Variants in PLEKHG5 observed in about 807,000 individuals in gnomAD.
PLEKHG5 encodes pleckstrin homology domain-containing family G member 5.
A neutral mutation model predicts 103.8 loss-of-function variants in PLEKHG5; 52 were observed. The ratio of observed to expected loss-of-function variants is 0.50; its 90% CI spans 0.40 to 0.63. PLEKHG5 has a LOEUF of 0.63. PLEKHG5 is among the 30% of genes least tolerant of loss of function. The pLI is 0.00. For synonymous variants in PLEKHG5, 592 were observed against 575.5 expected (o/e 1.03, Z -0.41); for missense variants, 1,205 against 1,347.6 (o/e 0.89, Z 1.66).
At chr1:6,507,579 G>A (rs1319380099) in intron 1 of PLEKHG5, among the ~76,000 whole-genome samples, 1 of 152,118 alleles carries the variant, frequency 6.6e-6, no homozygotes, top group Admixed American at 6.5e-5. Context: ...GAGACCCAAG[G>A]CCCAGGCAGA....
At chr1:6,481,059 C>A (rs1004968783) in intron 1 of PLEKHG5, among the ~76,000 whole-genome samples, 25 of 152,106 alleles carry the variant, frequency 1.6e-4, no homozygotes, top group African/African-American at 5.6e-4. Flanking sequence ...AGCTCATAAG[C>A]GTGCCACTGC....
chr1:6,517,916 C>T (rs1019222927), intron 1 of PLEKHG5, among the ~76,000 whole-genome samples: 4 of 152,104 alleles, frequency 2.6e-5, no homozygotes, highest in African/African-American at 7.2e-5. Context: ...TCCCAAAATG[C>T]GTCATGGCGG....
chr1:6,482,728 C>T (rs566449736), intron 1 of PLEKHG5, among the ~76,000 whole-genome samples: 20 of 152,102 alleles, frequency 1.3e-4, no homozygotes, highest in Non-Finnish European at 7.4e-5. Flanking sequence ...ATGTTTTTTG[C>T]GATAGAGTCT....
chr1:6,513,978 A>T (rs1638546674), intron 1 of PLEKHG5, among the ~76,000 whole-genome samples: 1 of 152,218 alleles, frequency 6.6e-6, no homozygotes, highest in South Asian at 2.1e-4. Context: ...AGAGCCTCCC[A>T]TATGGGCCTG....
intron 1 of PLEKHG5, among the ~76,000 whole-genome samples, chr1:6,514,179 C>G (rs1344417002): frequency 6.6e-6 from 1 of 152,122 alleles, no homozygotes; most frequent in Non-Finnish European, 1.5e-5. Flanking sequence ...TAAAAATTAG[C>G]CAGGCATGGT....
chr1:6,488,103 G>A (rs1645074390), intron 1 of PLEKHG5, among the ~76,000 whole-genome samples: 1 of 152,152 alleles, frequency 6.6e-6, no homozygotes, highest in Admixed American at 6.5e-5. Flanking sequence ...CTTCAAATCG[G>A]GTGGTCTTGC....
chr1:6,502,430 C>T (rs1285210900), intron 1 of PLEKHG5, among the ~76,000 whole-genome samples: 1 of 152,242 alleles, frequency 6.6e-6, no homozygotes, highest in African/African-American at 2.4e-5. Flanking sequence ...GAGCTGAACA[C>T]AGCCCTACCC....
chr1:6,477,556 GC>G lies in PLEKHG5; in HGVS notation c.15del (p.His6MetfsTer52). ...TGTGGGGGAAGGTCGAAGCGGACATGCCCATCATAATGCATGGTGCTGTGGA... is the reference window on the plus strand; with the variant it reads ...TGTGGGGGAAGGTCGAAGCGGACATGCCATCATAATGCATGGTGCTGTGGA... MHYD[G>X]HVRFDLPPQG... On this transcript the variant is annotated frameshift_variant, in exon 2 of 21. Coordinates refer to ENST00000377728, the MANE Select transcript of PLEKHG5 (RefSeq NM_020631.6). LOFTEE classifies it high-confidence loss of function. The G allele has an allele frequency of 1.2e-6, 2 of 1,612,496 alleles. No individual in the cohort carries two copies. The highest frequency in any genetic ancestry group is 8.5e-7 in the Non-Finnish European group (1 of 1,179,940).
intron 1 of PLEKHG5, among the ~76,000 whole-genome samples, chr1:6,512,039 C>T (rs1243018038): frequency 1.3e-5 from 2 of 152,316 alleles, no homozygotes; most frequent in Middle Eastern, 3.4e-3. Flanking sequence ...TATACCAGGA[C>T]TCTGGACCAA....
chr1:6,479,488 G>C (rs1049580890), intron 1 of PLEKHG5, among the ~76,000 whole-genome samples: 1 of 151,872 alleles, frequency 6.6e-6, no homozygotes, highest in African/African-American at 2.4e-5. Context: ...GGGTTTCACC[G>C]TGTTAGCCAG....
intron 1 of PLEKHG5, among the ~76,000 whole-genome samples, chr1:6,509,759 T>G (rs998115105): frequency 2.0e-5 from 3 of 152,232 alleles, no homozygotes; most frequent in African/African-American, 7.2e-5. Context: ...GCCGTGACAC[T>G]TCCCGATTCC....
At chr1:6,514,522 G>A (rs963318427) in intron 1 of PLEKHG5, among the ~76,000 whole-genome samples, 4 of 151,508 alleles carry the variant, frequency 2.6e-5, no homozygotes, top group African/African-American at 9.7e-5. Context: ...CAGCACTTTC[G>A]GAGGCTGAGG....
chr1:6,515,256 G>C (rs1477086038), intron 1 of PLEKHG5, among the ~76,000 whole-genome samples: 1 of 152,132 alleles, frequency 6.6e-6, no homozygotes, highest in Non-Finnish European at 1.5e-5. Flanking sequence ...GGCCGGGTGT[G>C]GTGGCTCACG....
At chr1:6,485,774 G>T in intron 1 of PLEKHG5, 1 of 546,238 alleles carries the variant, frequency 1.8e-6, no homozygotes, top group Non-Finnish European at 2.3e-6. Context: ...CCACAGCCCC[G>T]CCTCCGCCCA....
At chr1:6,492,964 C>CT (rs57750269), upstream of PLEKHG5, among the ~76,000 whole-genome samples, 44,847 of 151,382 alleles carry the variant, frequency 0.3, 11,221 homozygotes, top group African/African-American at 0.69. Context: ...CCCAATGTCC[C>CT]CCCCTGCTCA....
intron 2 of PLEKHG5, 81 bp from the exon 3 acceptor site, chr1:6,476,117 C>T: frequency 5.1e-6 from 6 of 1,167,300 alleles, no homozygotes; most frequent in Non-Finnish European, 7.5e-6. Flanking sequence ...GGGACCACAG[C>T]CTGTTACCCT....
At chr1:6,484,765 G>A (rs3007423) in intron 1 of PLEKHG5, among the ~76,000 whole-genome samples, 1 of 152,176 alleles carries the variant, frequency 6.6e-6, no homozygotes, top group Non-Finnish European at 1.5e-5. Context: ...GGGTCCGGGG[G>A]GGAATGTTCC....
chr1:6,492,670 G>A (rs150266619), upstream of PLEKHG5, among the ~76,000 whole-genome samples: 98 of 152,198 alleles, frequency 6.4e-4, 1 homozygote, highest in East Asian at 0.015. Flanking sequence ...TTTAATCCTC[G>A]CTGCCGGGTT....
intron 1 of PLEKHG5, among the ~76,000 whole-genome samples, chr1:6,516,824 GTATATATGTGTGTGTATA>G (rs1450703951): frequency 2.8e-5 from 4 of 142,440 alleles, no homozygotes; most frequent in East Asian, 2.0e-4. Context: ...ATATATATGT[GTATATATGTGTGTGTATA>G]TATATATGTG....
Sources: gnomAD v4.1 joint callset for allele counts (sites outside exome capture counted in the v4.1 genomes callset) on GRCh38, gnomAD v4.1.1 for gene constraint, MANE v1.5 for transcripts, NCBI Gene and HGNC (gene_info 2026-07-23, HGNC 2026-07-21) for gene names.